The following GXYLT1 variants were observed in gnomAD, a reference collection of about 807,000 sequenced individuals.
GXYLT1 encodes glucoside xylosyltransferase 1.
In GXYLT1, 29 loss-of-function variants were observed where a neutral mutation model predicts 54.0. That is an observed-to-expected ratio of 0.54 (90% CI 0.40 to 0.73). The LOEUF is 0.73. Among genes scored for constraint, GXYLT1 ranks in the 30% least tolerant of loss-of-function variants. The probability of loss-of-function intolerance (pLI) is 0.00; values close to 1 mark genes in which losing one functional copy is unlikely to be tolerated. For missense variants in GXYLT1, 490 were observed against 553.4 expected (o/e 0.89, Z 1.15); for synonymous variants, 176 against 204.1 (o/e 0.86, Z 1.17).
At chr12:42,105,017 T>C (rs2065411254) in intron 5 of GXYLT1, among the ~76,000 whole-genome samples, 1 of 152,190 alleles carries the variant, frequency 6.6e-6, no homozygotes, top group African/African-American at 2.4e-5. Flanking sequence ...AGTCTGTTTA[T>C]TATCTTATTC....
chr12:42,108,392 GAA>G (rs1367594664), intron 4 of GXYLT1, among the ~76,000 whole-genome samples: 3 of 152,144 alleles, frequency 2.0e-5, no homozygotes, highest in Non-Finnish European at 4.4e-5. Flanking sequence ...CAAGCTCTAT[GAA>G]AAGAGGAAAC....
chr12:42,144,421 C>T lies in GXYLT1; in HGVS notation c.221+5G>A, dbSNP rs934253968. ...CGCGTCCCCCACACCGGGAACTGCC[C>T]GTACCTGTCCGACACGCCGGGATGC... On this transcript the variant is annotated splice_donor_5th_base_variant and intron_variant, in intron 1 of 7. Transcript: ENST00000398675. 1 of 1,296,626 alleles carries T rather than the reference C, an allele frequency of 7.7e-7. No individual in the cohort carries two copies. The highest frequency in any genetic ancestry group is 9.8e-7 in the Non-Finnish European group (1 of 1,023,018). 80.3% of individuals were successfully genotyped at this position (1,296,626 alleles called of 1,614,324 possible). A position where few individuals can be genotyped will look rare whatever the true frequency, so the allele number is the denominator to read the frequency against.
In GXYLT1 at chr12:42,105,909, C is replaced by G; in HGVS notation, c.773G>C (p.Arg258Pro). The G allele has an allele frequency of 6.8e-7, 1 of 1,471,300 alleles. No individual in the cohort carries two copies. Among genetic ancestry groups the G allele is most frequent in the South Asian group, 1.3e-5 (1 of 76,310 alleles). The allele number at this position is 1,471,300 out of a possible 1,614,324, so 91.1% of individuals were successfully genotyped here. A position where few individuals can be genotyped will look rare whatever the true frequency, so the allele number is the denominator to read the frequency against. Residue 258 changes from arginine (R) to proline (P), a missense_variant, in exon 5 of 8, where the codon CGC becomes CCC. Arg to Pro is a moderately radical substitution (Grantham distance 103, BLOSUM62 -2). Around this residue, in one of 2 missense-constraint regions of GXYLT1, gnomAD observed 342 missense variants for 342.6 expected, o/e 1.00. Transcript: ENST00000398675. Reference sequence around the variant, plus strand: ...TCCATAATATGGATGCCTAGCAAAGCGATTATACCATCCTATTCGAGGTTC... The same window carrying G: ...TCCATAATATGGATGCCTAGCAAAGGGATTATACCATCCTATTCGAGGTTC... ...HEEPRIGWYN[R>P]FARHPYYGKT... is the part of the protein sequence containing the mutation.
intron 2 of GXYLT1, among the ~76,000 whole-genome samples, chr12:42,121,785 C>G (rs974841981): frequency 6.6e-6 from 1 of 152,014 alleles, no homozygotes; most frequent in Non-Finnish European, 1.5e-5. Flanking sequence ...AACTACATCA[C>G]ATTTCCTCTT....
chr12:42,104,379 T>C (rs1168245638), intron 5 of GXYLT1, among the ~76,000 whole-genome samples: 1 of 152,056 alleles, frequency 6.6e-6, no homozygotes, highest in African/African-American at 2.4e-5. Flanking sequence ...AGTAAAACTT[T>C]ACAGTACATG....
chr12:42,119,896 T>C (rs2065520379), intron 2 of GXYLT1, among the ~76,000 whole-genome samples: 1 of 152,154 alleles, frequency 6.6e-6, no homozygotes, highest in African/African-American at 2.4e-5. Flanking sequence ...ATTTCCACAC[T>C]CTCAACCAGC....
In GXYLT1 at chr12:42,144,455, GCCCGCGACGCCGGCGCCT is replaced by G. The variant is rs1030172848; in HGVS notation, c.174_191del (p.Arg58_Gly64delinsSer). 8.9e-5 allele frequency: 113 copies of G among 1,274,856 alleles called. No individual in the cohort carries two copies. The highest frequency in any genetic ancestry group is 1.0e-4 in the Non-Finnish European group (106 of 1,010,188). 79.0% of individuals were successfully genotyped at this position (1,274,856 alleles called of 1,614,324 possible). ...CCGACACGCCGGGATGCGCTGCGGG[GCCCGCGACGCCGGCGCCT>G]CTCACGGCGCCGCGTCCGCCGCCCG... On this transcript the variant is annotated inframe_deletion, in exon 1 of 8. Coordinates refer to ENST00000398675, the MANE Select transcript of GXYLT1 (RefSeq NM_173601.2).
rs149731628 is a variant in GXYLT1, at chr12:42,111,198, G to A, written c.487-1507C>T. ...ACAGCTTTGGTCGACAGCTCCCAGC[G>A]TCAGCAACGCAGAAGACAGGTGATT... On this transcript the variant is annotated intron_variant, in intron 3 of 7. Coordinates refer to ENST00000398675, the MANE Select transcript of GXYLT1 (RefSeq NM_173601.2). Among the ~76,000 whole-genome samples, 757 of 152,340 alleles carry A rather than the reference G, an allele frequency of 5.0e-3. 7 individuals are homozygous for A. The highest frequency in any genetic ancestry group is 0.017 in the African/African-American group (720 of 41,578).
intron 3 of GXYLT1, among the ~76,000 whole-genome samples, chr12:42,110,490 T>C (rs1393714598): frequency 3.9e-5 from 6 of 152,228 alleles, no homozygotes; most frequent in Admixed American, 3.3e-4. Flanking sequence ...TCTTCCAATA[T>C]AGTTTAAGGG....
At chr12:42,124,119 TA>T (rs1307045208) in intron 2 of GXYLT1, among the ~76,000 whole-genome samples, 1 of 151,898 alleles carries the variant, frequency 6.6e-6, no homozygotes, top group African/African-American at 2.4e-5. Flanking sequence ...TATTAACTTC[TA>T]AAATATAATT....
At position 42,109,592 on chromosome 12, in the gene GXYLT1, A is replaced by G. The variant is rs2065440205; in HGVS notation, c.586T>C (p.Cys196Arg). The G allele has an allele frequency of 6.3e-7, 1 of 1,584,968 alleles. No homozygotes were observed. Among genetic ancestry groups the G allele is most frequent in the Non-Finnish European group, 8.6e-7 (1 of 1,167,782 alleles). ...AAEWKKLFKP[C>R]ASQRLFLPLI... ...GGCAAGAACAATCTCTGCGAAGCAC[A>G]TGGTTTAAAGAGTTTTTTCCACTCT... Residue 196 changes from cysteine to arginine, a missense_variant, in exon 4 of 8, where the codon TGT becomes CGT. Cys to Arg is a radical substitution (Grantham distance 180, BLOSUM62 -3). Transcript: ENST00000398675.
At chr12:42,109,176 T>C (rs578191639) in intron 4 of GXYLT1, among the ~76,000 whole-genome samples, 9 of 152,312 alleles carry the variant, frequency 5.9e-5, no homozygotes, top group Non-Finnish European at 1.0e-4. Context: ...TGAAGCACTC[T>C]ACCTCATTTC....
intron 5 of GXYLT1, among the ~76,000 whole-genome samples, chr12:42,103,822 T>C (rs2065403724): frequency 6.6e-6 from 1 of 152,024 alleles, no homozygotes; most frequent in South Asian, 2.1e-4. Flanking sequence ...GGTTTGAAAG[T>C]TTAGAAATTA....
At chr12:42,139,179 C>G (rs573149580) in intron 1 of GXYLT1, among the ~76,000 whole-genome samples, 84 of 151,658 alleles carry the variant, frequency 5.5e-4, no homozygotes, top group African/African-American at 1.8e-3. Flanking sequence ...GCTTGGGTAA[C>G]AGAGTGAAAC....
chr12:42,140,180 CA>C (rs35830911), intron 1 of GXYLT1, among the ~76,000 whole-genome samples: 62 of 20,864 alleles, frequency 3.0e-3, no homozygotes, highest in African/African-American at 0.012. Flanking sequence ...GACTCCATCT[CA>C]AAAAAAAAAA....
In GXYLT1 at chr12:42,085,277, CT is replaced by C. The variant is rs1253966375; in HGVS notation, c.*2508del. ...GGTCTAAATAAACCAGATGAAGAAC[CT>C]TCCAACTGATCCACAATGTAGTGTG... On this transcript the variant is annotated 3_prime_UTR_variant, in exon 8 of 8. Coordinates refer to ENST00000398675, the MANE Select transcript of GXYLT1 (RefSeq NM_173601.2). 2.0e-5 allele frequency: 3 copies of C among 152,168 alleles called. No individual in the cohort carries two copies. The highest frequency in any genetic ancestry group is 4.4e-5 in the Non-Finnish European group (3 of 68,044). 9.4% of individuals were successfully genotyped at this position (152,168 alleles called of 1,614,324 possible). A position where few individuals can be genotyped will look rare whatever the true frequency, so the allele number is the denominator to read the frequency against.
chr12:42,124,082 AT>A (rs2136910312), intron 2 of GXYLT1, among the ~76,000 whole-genome samples: 1 of 152,040 alleles, frequency 6.6e-6, no homozygotes, highest in South Asian at 2.1e-4. Context: ...CATTAAAAAA[AT>A]CTAAAAATCC....
chr12:42,137,955 T>A (rs1005219762), intron 1 of GXYLT1, among the ~76,000 whole-genome samples: 6 of 152,092 alleles, frequency 3.9e-5, no homozygotes, highest in African/African-American at 1.4e-4. Flanking sequence ...GCCAAATCAC[T>A]ACTATTTAAT....
intron 5 of GXYLT1, among the ~76,000 whole-genome samples, chr12:42,102,112 T>C (rs1440034563): frequency 1.3e-5 from 2 of 152,214 alleles, no homozygotes. Flanking sequence ...GTATGTTACA[T>C]CAAGATCAAT....
Sources: allele counts gnomAD v4.1 joint callset (sites outside exome capture counted in the v4.1 genomes callset), GRCh38; gene constraint gnomAD v4.1.1; regional missense constraint gnomAD v4.1.1; transcripts MANE v1.5; gene names NCBI Gene and HGNC (gene_info 2026-07-23, HGNC 2026-07-21).